Variants in ZNF804B observed in about 807,000 individuals in gnomAD.
The protein encoded by ZNF804B is zinc finger protein 804B.
A neutral mutation model predicts 101.4 loss-of-function variants in ZNF804B; 80 were observed. The ratio of observed to expected loss-of-function variants is 0.79; its 90% CI spans 0.66 to 0.95. The LOEUF (loss-of-function observed/expected upper bound fraction) is 0.95. Ranked by LOEUF, ZNF804B falls within the 40% of genes least tolerant of loss-of-function variation. ZNF804B has a pLI of 0.00. For synonymous variants in ZNF804B, 622 were observed against 558.8 expected (o/e 1.11, Z -1.59); for missense variants, 1,673 against 1,561.9 (o/e 1.07, Z -1.20).
intron 1 of ZNF804B, among the ~76,000 whole-genome samples, chr7:88,815,713 G>A (rs564628983): frequency 6.6e-6 from 1 of 152,038 alleles, no homozygotes; most frequent in South Asian, 2.1e-4. Flanking sequence ...GCCTGCTTAG[G>A]TTCCCACACA....
chr7:89,070,665 C>T (rs62464169), intron 1 of ZNF804B, among the ~76,000 whole-genome samples: 1,795 of 152,212 alleles, frequency 0.012, 24 homozygotes, highest in Middle Eastern at 0.024. Flanking sequence ...GCAATTCTAA[C>T]CACTGTGCCT....
chr7:89,109,113 AC>A (rs1046705325), intron 1 of ZNF804B, among the ~76,000 whole-genome samples: 1 of 152,104 alleles, frequency 6.6e-6, no homozygotes, highest in Admixed American at 6.6e-5. Context: ...AATCTAATAG[AC>A]CTAGAATAAA....
intron 1 of ZNF804B, among the ~76,000 whole-genome samples, chr7:89,170,450 A>G (rs1202979848): frequency 6.6e-6 from 1 of 152,200 alleles, no homozygotes; most frequent in South Asian, 2.1e-4. Flanking sequence ...TAATAAACCT[A>G]TGAAATGTGA....
At chr7:89,170,205 C>G (rs1791203056) in intron 1 of ZNF804B, among the ~76,000 whole-genome samples, 1 of 152,052 alleles carries the variant, frequency 6.6e-6, no homozygotes, top group South Asian at 2.1e-4. Flanking sequence ...TGGGTATGAC[C>G]AGAAATCCAA....
chr7:89,066,612 C>G (rs1250483991), intron 1 of ZNF804B, among the ~76,000 whole-genome samples: 1 of 151,912 alleles, frequency 6.6e-6, no homozygotes, highest in African/African-American at 2.4e-5. Flanking sequence ...AAAAAATTGT[C>G]TTTATATAAA....
At chr7:89,289,942 A>G (rs1218543127) in intron 2 of ZNF804B, among the ~76,000 whole-genome samples, 1 of 152,148 alleles carries the variant, frequency 6.6e-6, no homozygotes, top group Non-Finnish European at 1.5e-5. Context: ...TGTGGATCCA[A>G]GAGAGATTTC....
At chr7:89,072,208 A>G (rs1460165329) in intron 1 of ZNF804B, among the ~76,000 whole-genome samples, 2 of 152,198 alleles carry the variant, frequency 1.3e-5, no homozygotes, top group Non-Finnish European at 2.9e-5. Context: ...CACACAAATG[A>G]TAGAAAGAGA....
At chr7:89,320,489 A>G (rs1790802618) in intron 2 of ZNF804B, among the ~76,000 whole-genome samples, 1 of 152,236 alleles carries the variant, frequency 6.6e-6, no homozygotes, top group South Asian at 2.1e-4. Flanking sequence ...ACACAAAAAA[A>G]CAGTGCCAAA....
Position 89,335,914 on chromosome 7 carries a change from C to A in ZNF804B, c.2932C>A (p.Pro978Thr). Residue 978 changes from proline (P) to threonine (T), a missense_variant, in exon 4 of 4, where the codon CCT becomes ACT. Pro to Thr is a conservative substitution (Grantham distance 38). Transcript: ENST00000333190. ...ATCAGGCTGTAACAGACAAGCATTG[C>A]CTTTGTCTGAAAAAATACAGTATGC... Reference protein sequence around the residue: ...APSGCNRQALPLSEKIQYASE... With the variant: ...APSGCNRQALTLSEKIQYASE... The A allele has an allele frequency of 6.2e-7, 1 of 1,614,054 alleles. No individual in the cohort carries two copies. Among genetic ancestry groups the A allele is most frequent in the South Asian group, 1.1e-5 (1 of 91,082 alleles).
At chr7:89,269,372 G>A (rs970832885) in intron 2 of ZNF804B, among the ~76,000 whole-genome samples, 6 of 152,108 alleles carry the variant, frequency 3.9e-5, no homozygotes, top group African/African-American at 1.4e-4. Context: ...CTTCATCCAT[G>A]TCCCTACAAA....
intron 1 of ZNF804B, chr7:88,794,143 A>T (rs755187674): frequency 2.0e-5 from 30 of 1,507,036 alleles, no homozygotes; most frequent in Middle Eastern, 1.8e-4. Flanking sequence ...AGTAGCACAA[A>T]CTCCTTAAGA....
chr7:89,201,224 A>G (rs1788627565), intron 1 of ZNF804B, among the ~76,000 whole-genome samples: 1 of 152,092 alleles, frequency 6.6e-6, no homozygotes, highest in Non-Finnish European at 1.5e-5. Context: ...ACCACTAATG[A>G]GGACACAGAT....
intron 1 of ZNF804B, among the ~76,000 whole-genome samples, chr7:88,896,665 A>C (rs534161487): frequency 1.3e-5 from 2 of 152,336 alleles, no homozygotes; most frequent in Non-Finnish European, 2.9e-5. Flanking sequence ...TAAGTTTATC[A>C]GAGAGGTTTC....
At chr7:89,204,117 C>T (rs1196068247) in intron 1 of ZNF804B, among the ~76,000 whole-genome samples, 1 of 152,198 alleles carries the variant, frequency 6.6e-6, no homozygotes, top group Non-Finnish European at 1.5e-5. Context: ...GCAGGTATCA[C>T]TAGCAACTTT....
At chr7:88,834,678 T>TA (rs71120038) in intron 1 of ZNF804B, among the ~76,000 whole-genome samples, 2 of 151,156 alleles carry the variant, frequency 1.3e-5, no homozygotes, top group East Asian at 2.0e-4. Context: ...TATATATATA[T>TA]TATATCCCAA....
In ZNF804B at chr7:89,274,955, T is replaced by C. The variant is rs59887455; in HGVS notation, c.250-52389T>C. Among the ~76,000 whole-genome samples, 939 of 152,026 alleles carry C rather than the reference T, an allele frequency of 6.2e-3. 32 individuals are homozygous for C. Among genetic ancestry groups the C allele is most frequent in the African/African-American group, 0.022 (902 of 41,330 alleles). ...ATCCTTATTTATCCTTAGTAATCTC[T>C]TCTGTTCTCAGTGAGACAGAGAATA... is the stretch of plus-strand genomic sequence containing the variant. On this transcript the variant is annotated intron_variant, in intron 2 of 3. Coordinates refer to ENST00000333190, the MANE Select transcript of ZNF804B (RefSeq NM_181646.5).
intron 1 of ZNF804B, among the ~76,000 whole-genome samples, chr7:88,865,159 C>T (rs920288735): frequency 2.3e-4 from 33 of 146,592 alleles, no homozygotes; most frequent in African/African-American, 7.9e-4. Flanking sequence ...ACCCAGGAGG[C>T]GAAGGTTGTG....
At chr7:89,118,897 C>T (rs953482753) in intron 1 of ZNF804B, among the ~76,000 whole-genome samples, 5 of 152,030 alleles carry the variant, frequency 3.3e-5, no homozygotes, top group African/African-American at 9.7e-5. Context: ...GTGATAATGG[C>T]GATGATGATG....
chr7:89,102,952 A>G (rs559775448), intron 1 of ZNF804B, among the ~76,000 whole-genome samples: 6 of 148,544 alleles, frequency 4.0e-5, no homozygotes, highest in East Asian at 2.0e-4. Flanking sequence ...TCCTTTCCCA[A>G]TTGTTTATTT....
Sources: allele counts gnomAD v4.1 joint callset (sites outside exome capture counted in the v4.1 genomes callset), GRCh38; gene constraint gnomAD v4.1.1; transcripts MANE v1.5; gene names NCBI Gene and HGNC (gene_info 2026-07-23, HGNC 2026-07-21).